Variants in BTAF1 observed in about 807,000 individuals in gnomAD.
BTAF1 encodes the protein TATA-binding protein-associated factor 172.
A neutral mutation model predicts 227.1 loss-of-function variants in BTAF1; 38 were observed. The ratio of observed to expected loss-of-function variants is 0.17; its 90% confidence interval spans 0.13 to 0.22. The LOEUF (loss-of-function observed/expected upper bound fraction) is 0.22. BTAF1 is among the 10% of genes least tolerant of loss of function. The pLI is 1.00. For missense variants in BTAF1, 1,598 were observed against 2,204.0 expected, an observed-to-expected ratio of 0.73 and a Z score of 5.51; for synonymous variants, 742 against 751.9, an observed-to-expected ratio of 0.99 and a Z score of 0.21.
chr10:91,997,766 C>T lies in BTAF1; in HGVS notation c.3660+15C>T. The T allele has an allele frequency of 1.2e-6, 2 of 1,610,434 alleles. No homozygotes were observed. Among genetic ancestry groups the T allele is most frequent in the Non-Finnish European group, 1.7e-6 (2 of 1,179,412 alleles). ...TGCCACTTGAGGTAAGTCAAAGATA[C>T]TTGCTTTAAAGACATAATGTTTTCT... On this transcript the variant is annotated intron_variant, in intron 25 of 37. Coordinates refer to ENST00000265990, the MANE Select transcript of BTAF1 (RefSeq NM_003972.3).
chr10:91,971,033 T>G (rs1312224387), intron 14 of BTAF1, among the ~76,000 whole-genome samples: 1 of 152,244 alleles, frequency 6.6e-6, no homozygotes, highest in Non-Finnish European at 1.5e-5. Flanking sequence ...CCCTTTAGAC[T>G]TTTAAAACAT....
intron 32 of BTAF1, among the ~76,000 whole-genome samples, chr10:92,015,144 G>A (rs1850623489): frequency 6.6e-6 from 1 of 152,028 alleles, no homozygotes; most frequent in Admixed American, 6.5e-5. Context: ...ATTTTGCCTT[G>A]TGCACAGTTC....
intron 2 of BTAF1, among the ~76,000 whole-genome samples, chr10:91,939,385 T>C (rs1844846955): frequency 6.6e-6 from 1 of 152,230 alleles, no homozygotes; most frequent in Admixed American, 6.5e-5. Context: ...TTTTGCTTTT[T>C]AGTATGTAAA....
chr10:91,944,836 A>G (rs1845251003), intron 4 of BTAF1, among the ~76,000 whole-genome samples: 1 of 152,222 alleles, frequency 6.6e-6, no homozygotes, highest in East Asian at 1.9e-4. Context: ...TAAGTCAGCA[A>G]CAGACTAGGA....
At chr10:91,957,869 C>A (rs1202121805) in intron 8 of BTAF1, among the ~76,000 whole-genome samples, 1 of 152,138 alleles carries the variant, frequency 6.6e-6, no homozygotes, top group Non-Finnish European at 1.5e-5. Context: ...AAGAAGTGGG[C>A]ACAGTGTCAA....
At chr10:91,988,876 C>T (rs1848574019) in intron 19 of BTAF1, among the ~76,000 whole-genome samples, 1 of 152,136 alleles carries the variant, frequency 6.6e-6, no homozygotes, top group Non-Finnish European at 1.5e-5. Flanking sequence ...ATGTGATTTT[C>T]CTCAAAGTCA....
chr10:91,969,965 A>G (rs977638579), intron 14 of BTAF1, among the ~76,000 whole-genome samples: 1 of 151,324 alleles, frequency 6.6e-6, no homozygotes, highest in African/African-American at 2.4e-5. Context: ...TGTCTCAGAA[A>G]AAAAAAAAAA....
intron 4 of BTAF1, among the ~76,000 whole-genome samples, chr10:91,944,735 T>G (rs1428866049): frequency 6.6e-6 from 1 of 152,214 alleles, no homozygotes; most frequent in Non-Finnish European, 1.5e-5. Context: ...CCTTCCCTCC[T>G]CTTCCCAGCA....
intron 14 of BTAF1, 56 bp downstream of exon 14, chr10:91,966,813 T>C (rs1439071236): frequency 2.0e-6 from 3 of 1,519,846 alleles, no homozygotes; most frequent in Non-Finnish European, 2.7e-6. Context: ...TTTTATAAAA[T>C]AAACCTGGTC....
chr10:91,975,999 TAG>T (rs1226235584), intron 14 of BTAF1, among the ~76,000 whole-genome samples: 1 of 152,172 alleles, frequency 6.6e-6, no homozygotes, highest in Non-Finnish European at 1.5e-5. Context: ...TCCCACAAGT[TAG>T]AGAGCTCAGT....
chr10:91,956,756 G>A (rs1385581730), intron 7 of BTAF1, 99 bp downstream of exon 7: 22 of 1,316,280 alleles, frequency 1.7e-5, no homozygotes, highest in South Asian at 1.6e-4. Context: ...TTGGGAGGTC[G>A]AGGCGGGCGT....
Position 91,953,724 on chromosome 10 carries a change from T to G in BTAF1, c.565-13T>G. 1 of 1,607,964 alleles carries G rather than the reference T, an allele frequency of 6.2e-7. No individual in the cohort carries two copies. Among genetic ancestry groups the G allele is most frequent in the Non-Finnish European group, 8.5e-7 (1 of 1,178,390 alleles). ...TTCAAAAGTTCCAACTCAGCATTCT[T>G]TTATTCTTTTAGACTCTTCAGGCAG... On this transcript the variant is annotated splice_polypyrimidine_tract_variant and intron_variant, in intron 5 of 37. Coordinates refer to ENST00000265990, the MANE Select transcript of BTAF1 (RefSeq NM_003972.3).
chr10:92,008,750 C>T (rs955635747), intron 26 of BTAF1, 79 bp from the exon 27 acceptor site: 39 of 1,334,990 alleles, frequency 2.9e-5, no homozygotes, highest in Admixed American at 1.5e-4. Flanking sequence ...TTTGTGCAAA[C>T]GTTGTTTATA....
chr10:91,941,589 T>C (rs540119026), intron 3 of BTAF1, among the ~76,000 whole-genome samples: 11 of 152,342 alleles, frequency 7.2e-5, no homozygotes, highest in African/African-American at 2.2e-4. Flanking sequence ...GTATGAGAAC[T>C]GAGTCCTGTT....
rs990161206 is a variant in BTAF1 at position 92,008,947 on chromosome 10, A to G, written c.3932A>G (p.His1311Arg). 58 of 1,613,008 alleles carry G rather than the reference A, an allele frequency of 3.6e-5. No individual in the cohort carries two copies. Among genetic ancestry groups the G allele is most frequent in the Non-Finnish European group, 4.7e-5 (56 of 1,179,684 alleles). ...TGCATTCTAGCAGGAGATCATTGTC[A>G]TAGGTAATTTAAGATGTTATTTTAA... ...SICILAGDHC[H>R]RAQEYARSKL... is the part of the protein sequence containing the mutation. The change falls in exon 27 of 38, where the codon CAT becomes CGT. Residue 1311 changes from histidine to arginine, a missense_variant. By Grantham distance (29) the His-to-Arg change is conservative (BLOSUM62 0). Coordinates refer to ENST00000265990, the MANE Select transcript of BTAF1 (RefSeq NM_003972.3).
At chr10:91,927,071 T>C (rs1203727466) in intron 1 of BTAF1, among the ~76,000 whole-genome samples, 1 of 152,134 alleles carries the variant, frequency 6.6e-6, no homozygotes, top group Non-Finnish European at 1.5e-5. Flanking sequence ...CCCTACTGTT[T>C]ATCTTTGGAA....
At position 91,928,569 on chromosome 10, in the gene BTAF1, T is replaced by A. The variant is rs182574458; in HGVS notation, c.14+4479T>A. ...TCAGCAAAAAACAAATTAGTGTATG[T>A]TACAGGCTTTCAGTGTTTCTTGTGA... On this transcript the variant is annotated intron_variant, in intron 1 of 37. Coordinates refer to ENST00000265990, the MANE Select transcript of BTAF1 (RefSeq NM_003972.3). Among the ~76,000 whole-genome samples the A allele has an allele frequency of 1.3e-4, 20 of 152,306 alleles. No individual in the cohort carries two copies. The East Asian group carries it at 3.3e-3, about 25-fold the overall frequency.
chr10:91,979,737 C>CAA (rs1554857203), intron 14 of BTAF1, among the ~76,000 whole-genome samples: 2 of 152,138 alleles, frequency 1.3e-5, no homozygotes, highest in African/African-American at 2.4e-5. Flanking sequence ...TTTCTGGACA[C>CAA]ACATTAGATA....
intron 32 of BTAF1, among the ~76,000 whole-genome samples, chr10:92,015,795 T>G (rs1442761484): frequency 6.6e-6 from 1 of 152,210 alleles, no homozygotes; most frequent in African/African-American, 2.4e-5. Flanking sequence ...GATTTTCTTT[T>G]CTTTCACATT....
Sources: allele counts gnomAD v4.1 joint callset (sites outside exome capture counted in the v4.1 genomes callset), GRCh38; gene constraint gnomAD v4.1.1; transcripts MANE v1.5; gene names NCBI Gene and HGNC (gene_info 2026-07-23, HGNC 2026-07-21).